MYO16: variants seen among roughly 807,000 people sequenced by gnomAD.
The protein encoded by MYO16 is unconventional myosin-XVI.
In MYO16, 94 loss-of-function variants were observed where a neutral mutation model predicts 205.3. That is an observed-to-expected ratio of 0.46 (90% CI 0.39 to 0.54). The LOEUF (loss-of-function observed/expected upper bound fraction) is 0.54, where lower values mean the gene tolerates loss of function less well. MYO16 is among the 20% of genes least tolerant of loss of function. The pLI is 0.00. For missense variants in MYO16, 2,315 were observed against 2,387.5 expected (o/e 0.97, Z 0.63); for synonymous variants, 988 against 954.0 (o/e 1.04, Z -0.66).
intron 22 of MYO16, among the ~76,000 whole-genome samples, chr13:109,013,108 T>TCCCCCCCCCCCCCCCCCCCCCCC (rs1177754621): frequency 6.1e-5 from 2 of 32,608 alleles, no homozygotes; most frequent in African/African-American, 1.1e-4. Flanking sequence ...ATGCTACCCC[T>TCCCCCCCCCCCCCCCCCCCCCCC]CCCCCACCCC....
intron 27 of MYO16, among the ~76,000 whole-genome samples, chr13:109,058,959 A>G (rs1046250401): frequency 2.6e-5 from 4 of 152,180 alleles, no homozygotes; most frequent in Admixed American, 2.0e-4. Flanking sequence ...TTCCATCTCA[A>G]GAAAACACTT....
intron 4 of MYO16, among the ~76,000 whole-genome samples, chr13:108,766,327 T>C (rs9521016): frequency 0.56 from 85,006 of 152,050 alleles, 24,722 homozygotes; most frequent in East Asian, 0.87. Context: ...GATGTTCATT[T>C]GCTGCTGGTT....
chr13:108,714,592 C>CTGTGTGTGTGTCTG (rs1555341103), intron 3 of MYO16, among the ~76,000 whole-genome samples: 4,528 of 146,726 alleles, frequency 0.031, 123 homozygotes, highest in South Asian at 0.12. Context: ...GTGTGTGTGT[C>CTGTGTGTGTGTCTG]TGTGTGTGTG....
chr13:109,206,494 G>A (rs919863286), intron 34 of MYO16, 115 bp from the exon 35 acceptor site: 7 of 749,484 alleles, frequency 9.3e-6, no homozygotes, highest in African/African-American at 1.7e-5. Flanking sequence ...GAGGAAAGAG[G>A]CTGCCTCTTT....
At chr13:108,867,835 C>T (rs1301540577) in intron 12 of MYO16, among the ~76,000 whole-genome samples, 1 of 152,106 alleles carries the variant, frequency 6.6e-6, no homozygotes, top group Admixed American at 6.5e-5. Context: ...ACATACCTCC[C>T]CAAAAGACAG....
intron 12 of MYO16, 141 bp from the exon 13 acceptor site, chr13:108,882,918 A>G: frequency 8.2e-7 from 1 of 1,216,010 alleles, no homozygotes; most frequent in Non-Finnish European, 1.1e-6. Flanking sequence ...AATTTTACAA[A>G]TGTTTTTACA....
At chr13:109,028,100 T>C (rs1442215525) in intron 23 of MYO16, among the ~76,000 whole-genome samples, 4 of 152,078 alleles carry the variant, frequency 2.6e-5, no homozygotes, top group Admixed American at 6.6e-5. Flanking sequence ...GGTATCACTT[T>C]AGTAGATGAT....
At chr13:108,578,974 G>A in the MYO16 span, among the ~76,000 whole-genome samples, 690 of 151,090 alleles carry the variant, frequency 4.6e-3, 4 homozygotes, top group Non-Finnish European at 7.0e-3. Context: ...ATATGCGAGC[G>A]TCAGAACACT....
At chr13:108,956,642 T>C (rs1350941842) in intron 16 of MYO16, among the ~76,000 whole-genome samples, 1 of 152,326 alleles carries the variant, frequency 6.6e-6, no homozygotes, top group East Asian at 1.9e-4. Flanking sequence ...GCATCATGCT[T>C]GACCAATTCT....
chr13:109,177,506 TTTATTTATTTA>T (rs544374842), intron 33 of MYO16, among the ~76,000 whole-genome samples: 186 of 152,134 alleles, frequency 1.2e-3, no homozygotes, highest in African/African-American at 4.2e-3. Context: ...TATGTATTTA[TTTATTTATTTA>T]TTATTTATTT....
chr13:109,050,051 G>C (rs1011833905), intron 24 of MYO16, among the ~76,000 whole-genome samples: 4 of 151,164 alleles, frequency 2.6e-5, no homozygotes, highest in African/African-American at 4.9e-5. Flanking sequence ...ACCCTGAGAC[G>C]GGACATTATC....
At chr13:108,543,329 A>C in the MYO16 span, among the ~76,000 whole-genome samples, 35,147 of 151,986 alleles carry the variant, frequency 0.23, 4,315 homozygotes, top group East Asian at 0.45. Flanking sequence ...TACCTTCATG[A>C]AACAAGATTT....
chr13:108,992,416 T>G lies in MYO16; in HGVS notation c.2410T>G (p.Phe804Val). Residue 804 changes from phenylalanine to valine, a missense_variant, in exon 21 of 35, where the codon TTT (phenylalanine) becomes GTT (valine). Physicochemically the swap from Phe to Val is conservative, Grantham distance 50. Coordinates refer to ENST00000457511, the MANE Select transcript of MYO16 (RefSeq NM_001198950.3). The part of the protein sequence containing the change: ...LDIGILDIFG[F>V]EEFQKNEFEQ... ...TATTGGAATATTGGACATTTTTGGT[T>G]TTGAAGAGTTTCAAAAGAATGAATT... The G allele has an allele frequency of 6.2e-7, 1 of 1,606,662 alleles. No homozygotes were observed. The highest frequency in any genetic ancestry group is 8.5e-7 in the Non-Finnish European group (1 of 1,173,852).
Position 108,644,409 on chromosome 13 carries a change from TATC to T in MYO16, c.28+14538_28+14540del, listed in dbSNP as rs1566524975. Among the ~76,000 whole-genome samples the T allele has an allele frequency of 7.3e-3, 949 of 129,316 alleles. 14 individuals carry two copies. Among genetic ancestry groups the T allele is most frequent in the African/African-American group, 0.025 (900 of 35,352 alleles). The allele number at this position is 129,316 out of a possible 152,430, so 84.8% of individuals were successfully genotyped here. ...CTATCTATCTATCTATCTATCTATCTATCTATCATCTGTTTAAATTACTGCAAC... is the reference window on the plus strand; with the variant it reads ...CTATCTATCTATCTATCTATCTATCTTATCATCTGTTTAAATTACTGCAAC... On this transcript the variant is annotated intron_variant, in intron 1 of 34. Coordinates refer to ENST00000457511, the MANE Select transcript of MYO16 (RefSeq NM_001198950.3).
At position 108,956,038 on chromosome 13, in the gene MYO16, T is replaced by G. The variant is rs1883335928; in HGVS notation, c.1926-1650T>G. Among the ~76,000 whole-genome samples the G allele has an allele frequency of 1.3e-5, 2 of 152,218 alleles. 1 individual carries two copies. The highest frequency in any genetic ancestry group is 3.8e-4 in the East Asian group (2 of 5,198). On this transcript the variant is annotated intron_variant, in intron 16 of 34. Transcript: ENST00000457511. ...CTGCGTATTGATGACTTCCAGATCC[T>G]ATTCTCTAGTGTTTTTCTGAATTCC...
chr13:108,764,558 T>C (rs191597592), intron 4 of MYO16, among the ~76,000 whole-genome samples: 333 of 152,264 alleles, frequency 2.2e-3, no homozygotes, highest in African/African-American at 7.7e-3. Flanking sequence ...ACCAAATACT[T>C]ACCTGTGGTA....
At chr13:109,103,581 G>A (rs1015195958) in intron 28 of MYO16, among the ~76,000 whole-genome samples, 8 of 152,132 alleles carry the variant, frequency 5.3e-5, no homozygotes, top group Admixed American at 6.5e-5. Flanking sequence ...TAGTAATTTC[G>A]TTGTCATTCT....
In MYO16 at chr13:109,140,202, G is replaced by T; in HGVS notation, c.4052-62G>T. The stretch of plus-strand genomic sequence containing the variant: ...GTGGCTCCCTCCGAGTCGAGCCCCG[G>T]GCTTGGTGGGCACCCGTGGGCCTGG... On this transcript the variant is annotated intron_variant, in intron 31 of 34. Transcript: ENST00000457511. This position sits in a 1 kb window ranked among gnomAD's most constrained non-coding sequence, Gnocchi z 8.0. 1 of 1,576,626 alleles carries T rather than the reference G, an allele frequency of 6.3e-7. No individual in the cohort carries two copies. Among genetic ancestry groups the T allele is most frequent in the Non-Finnish European group, 8.6e-7 (1 of 1,169,438 alleles).
At chr13:109,085,925 G>T (rs1888424403) in intron 27 of MYO16, among the ~76,000 whole-genome samples, 1 of 152,140 alleles carries the variant, frequency 6.6e-6, no homozygotes, top group Non-Finnish European at 1.5e-5. Context: ...TATTAAATTT[G>T]ACCTATAACA....
Sources: gnomAD v4.1 joint callset for allele counts (sites outside exome capture counted in the v4.1 genomes callset) on GRCh38, gnomAD v4.1.1 for gene constraint, Gnocchi (gnomAD v3.1) non-coding constraint, MANE v1.5 for transcripts, NCBI Gene and HGNC (gene_info 2026-07-23, HGNC 2026-07-21) for gene names.